The following STARD9 variants were observed in gnomAD, a reference collection of about 807,000 sequenced individuals.
STARD9 encodes stAR-related lipid transfer protein 9.
Under a neutral mutation model 399.8 loss-of-function variants are expected in STARD9, and 346 were observed. The observed-to-expected ratio is 0.87, with a 90% CI of 0.79 to 0.95. The LOEUF is 0.95. Ranked by LOEUF, STARD9 falls within the 40% of genes least tolerant of loss-of-function variation. The pLI is 0.00. For synonymous variants in STARD9, 2,203 were observed against 2,143.5 expected, an observed-to-expected ratio of 1.03 and a Z score of -0.77; for missense variants, 5,832 against 5,667.5, an observed-to-expected ratio of 1.03 and a Z score of -0.93.
intron 4 of STARD9, among the ~76,000 whole-genome samples, chr15:42,637,129 A>G (rs1296354689): frequency 6.6e-6 from 1 of 152,092 alleles, no homozygotes; most frequent in Non-Finnish European, 1.5e-5. Flanking sequence ...AAAGCCCTTA[A>G]CCGAGTACAA....
rs930500379 is a variant in STARD9, at chr15:42,718,033, G to A, written c.13616G>A (p.Arg4539Gln). 10 of 1,537,102 alleles carry A rather than the reference G, an allele frequency of 6.5e-6. No homozygotes were observed. Among genetic ancestry groups the A allele is most frequent in the East Asian group, 4.9e-5 (2 of 40,916 alleles). The change falls in exon 30 of 33, where the codon CGG becomes CAG. Residue 4539 changes from arginine (R) to glutamine (Q), a missense_variant. By Grantham distance (43) the Arg-to-Gln change is conservative. Around this residue, in one of 2 missense-constraint regions of STARD9, gnomAD observed 5,828 missense variants for 5,651.1 expected, o/e 1.03. Coordinates refer to ENST00000290607, the MANE Select transcript of STARD9 (RefSeq NM_020759.3). ...QLYYKVFSPT[R>Q]HGFLGAGVVS... ...TACTACAAGGTGTTTTCTCCCACTC[G>A]GCATGGCTTCCTGGGGGCAGGTGTG... is the stretch of plus-strand genomic sequence containing the variant.
chr15:42,694,171 C>G lies in STARD9; in HGVS notation c.12593C>G (p.Pro4198Arg). ...GAGTGGTCCAAGAGGGAGCAGATCC[C>G]CCTGCAAGTTGGGGCCCAGAACCTC... ...DSEWSKREQI[P>R]LQVGAQNLSL... is the part of the protein sequence containing the mutation. The change falls in exon 23 of 33, where the codon CCC becomes CGC. Residue 4198 changes from proline to arginine, a missense_variant. Pro to Arg is a moderately radical substitution (Grantham distance 103). Transcript: ENST00000290607. 1 of 1,535,176 alleles carries G rather than the reference C, an allele frequency of 6.5e-7. No individual in the cohort carries two copies. The highest frequency in any genetic ancestry group is 8.7e-7 in the Non-Finnish European group (1 of 1,145,998).
chr15:42,603,833 G>A (rs1305801285), intron 3 of STARD9, among the ~76,000 whole-genome samples: 4 of 151,968 alleles, frequency 2.6e-5, no homozygotes, highest in Non-Finnish European at 1.5e-5. Flanking sequence ...CAGAATACAG[G>A]GTCTGAAAAA....
chr15:42,623,225 C>T (rs1321561378), intron 3 of STARD9, among the ~76,000 whole-genome samples: 1 of 151,938 alleles, frequency 6.6e-6, no homozygotes, highest in East Asian at 1.9e-4. Context: ...GCACTCCAGC[C>T]TGGGCAACAA....
chr15:42,710,336 A>G (rs12905187), intron 26 of STARD9, among the ~76,000 whole-genome samples: 1 of 151,374 alleles, frequency 6.6e-6, no homozygotes, highest in African/African-American at 2.4e-5. Context: ...GTGTTGGAAT[A>G]CGGACGTGAG....
At chr15:42,647,357 A>G (rs759021586) in intron 7 of STARD9, among the ~76,000 whole-genome samples, 2 of 152,212 alleles carry the variant, frequency 1.3e-5, no homozygotes, top group African/African-American at 2.4e-5. Context: ...TACTATGAGT[A>G]TGGATGCCTT....
intron 3 of STARD9, among the ~76,000 whole-genome samples, chr15:42,588,507 G>C (rs2058325658): frequency 6.6e-6 from 1 of 152,080 alleles, no homozygotes; most frequent in Non-Finnish European, 1.5e-5. Context: ...ATTGGTCCCA[G>C]GAGGAGTTAG....
intron 32 of STARD9, 136 bp from the exon 33 acceptor site, chr15:42,719,337 G>T: frequency 1.6e-6 from 1 of 622,502 alleles, no homozygotes; most frequent in Non-Finnish European, 2.8e-6. Context: ...CAGAGCCCAG[G>T]GGCCTGTAAA....
rs745317026 is a variant in STARD9, at chr15:42,691,502, G to C, written c.9924G>C (p.Val3308=). ...CCAACCACAGGGGCTCACTTCCTGT[G>C]ACTACAATCTTCTCTGGCCCCAAAC... ...PAPNHRGSLP[V]TTIFSGPKHS... The change falls in exon 23 of 33, where the codon GTG becomes GTC. Residue 3308 remains valine, a synonymous_variant. Coordinates refer to ENST00000290607, the MANE Select transcript of STARD9 (RefSeq NM_020759.3). 6.3e-5 allele frequency: 97 copies of C among 1,537,074 alleles called. No homozygotes were observed. Among genetic ancestry groups the C allele is most frequent in the Admixed American group, 1.2e-4 (6 of 50,976 alleles).
In STARD9 at chr15:42,608,749, C is replaced by T. The variant is rs146571362; in HGVS notation, c.234+23112C>T. Among the ~76,000 whole-genome samples, 11 of 152,182 alleles carry T rather than the reference C, an allele frequency of 7.2e-5. No individual in the cohort carries two copies. The East Asian group carries it at 9.6e-4, about 13-fold the overall frequency. On this transcript the variant is annotated intron_variant, in intron 3 of 32. Coordinates refer to ENST00000290607, the MANE Select transcript of STARD9 (RefSeq NM_020759.3). ...GTGAACACAATCAAAAATATGAAAA[C>T]GGTGCTTTGTGGAAGATACTGACCT...
chr15:42,688,287 C>A lies in STARD9; in HGVS notation c.6709C>A (p.Pro2237Thr). ...VKASASLKGQ[P>T]WGLGSLEELE... ...AGCATCAGCAAGTCTCAAAGGGCAG[C>A]CTTGGGGCTTAGGAAGTCTTGAGGA... The change falls in exon 23 of 33, where the codon CCT (proline) becomes ACT (threonine). Residue 2237 changes from proline to threonine, a missense_variant. By Grantham distance (38) the Pro-to-Thr change is conservative. Coordinates refer to ENST00000290607, the MANE Select transcript of STARD9 (RefSeq NM_020759.3). 6.5e-7 allele frequency: 1 copy of A among 1,537,538 alleles called. No homozygotes were observed. The highest frequency in any genetic ancestry group is 8.7e-7 in the Non-Finnish European group (1 of 1,147,008).
At chr15:42,718,537 T>C (rs2140430250) in intron 31 of STARD9, 23 bp downstream of exon 31, 3 of 1,534,230 alleles carry the variant, frequency 2.0e-6, no homozygotes, top group Non-Finnish European at 2.6e-6. Context: ...GTGGTAAAGA[T>C]GTTGTGGGAA....
intron 3 of STARD9, among the ~76,000 whole-genome samples, chr15:42,603,906 G>A (rs1184298903): frequency 6.6e-6 from 1 of 152,174 alleles, no homozygotes; most frequent in Non-Finnish European, 1.5e-5. Flanking sequence ...CCTATCTATA[G>A]GAGCAATTGA....
At position 42,675,890 on chromosome 15, in the gene STARD9, G is replaced by A; in HGVS notation, c.1789G>A (p.Gly597Ser). Residue 597 changes from glycine (G) to serine (S), a missense_variant, in exon 20 of 33, where the codon GGT becomes AGT. Physicochemically the swap from Gly to Ser is moderately conservative, Grantham distance 56. Around this residue, in one of 2 missense-constraint regions of STARD9, gnomAD observed 5,828 missense variants for 5,651.1 expected, o/e 1.03. Transcript: ENST00000290607. ...QRRQVGEAAA[G>S]RGSLEWLDLD... is the part of the protein sequence containing the mutation. ...GTTCAAGGTTGGAGAGGCTGCTGCT[G>A]GTCGTGGCTCGTTGGAGTGGCTGGA... 6.5e-7 allele frequency: 1 copy of A among 1,537,244 alleles called. No individual in the cohort carries two copies. Among genetic ancestry groups the A allele is most frequent in the Non-Finnish European group, 8.7e-7 (1 of 1,146,892 alleles).
In STARD9 at chr15:42,575,767, G is replaced by C. The variant is rs1177140748; in HGVS notation, c.47+5G>C. On this transcript the variant is annotated splice_donor_5th_base_variant and intron_variant, in intron 1 of 32. Transcript: ENST00000290607. Reference sequence around the variant, plus strand: ...GGTCCGGCCGCTCAGCAAGAGGTGAGTCTCCGCGGGAGAGGGCGCCTGAGG... The same window carrying C: ...GGTCCGGCCGCTCAGCAAGAGGTGACTCTCCGCGGGAGAGGGCGCCTGAGG... 6.5e-7 allele frequency: 1 copy of C among 1,536,948 alleles called. No homozygotes were observed. The highest frequency in any genetic ancestry group is 2.0e-5 in the Admixed American group (1 of 51,012).
chr15:42,645,834 G>C (rs190942275), intron 7 of STARD9, among the ~76,000 whole-genome samples: 1 of 151,888 alleles, frequency 6.6e-6, no homozygotes, highest in Non-Finnish European at 1.5e-5. Context: ...GAGTCACCGC[G>C]CCCAGCCTGG....
intron 9 of STARD9, among the ~76,000 whole-genome samples, chr15:42,654,289 T>TA (rs1464896614): frequency 6.6e-6 from 1 of 152,074 alleles, no homozygotes; most frequent in Admixed American, 6.5e-5. Context: ...TTGCCTAAGG[T>TA]ACAAATTTTC....
rs138121440 is a variant in STARD9, at chr15:42,682,515, C to T, written c.2477C>T (p.Thr826Met). 8,145 of 1,537,172 alleles carry T rather than the reference C, an allele frequency of 5.3e-3. 41 individuals carry two copies. Among genetic ancestry groups the T allele is most frequent in the Middle Eastern group, 9.8e-3 (59 of 5,990 alleles). Reference protein sequence around the residue: ...VPRPPCRSKLTSCSSLSPQRL... With the variant: ...VPRPPCRSKLMSCSSLSPQRL... ...CGGCCTCCATGTAGAAGCAAATTGA[C>T]GAGTTGCAGTTCTTTGAGCCCCCAA... Residue 826 changes from threonine (T) to methionine (M), a missense_variant, in exon 22 of 33, where the codon ACG becomes ATG. By Grantham distance (81) the Thr-to-Met change is moderately conservative. Transcript: ENST00000290607.
chr15:42,592,635 G>A (rs2058423914), intron 3 of STARD9, among the ~76,000 whole-genome samples: 1 of 151,874 alleles, frequency 6.6e-6, no homozygotes, highest in East Asian at 1.9e-4. Context: ...AGTAGAGACG[G>A]GTTTCTCCAT....
Sources: allele counts gnomAD v4.1 joint callset (sites outside exome capture counted in the v4.1 genomes callset), GRCh38; gene constraint gnomAD v4.1.1; regional missense constraint gnomAD v4.1.1; transcripts MANE v1.5; gene names NCBI Gene and HGNC (gene_info 2026-07-23, HGNC 2026-07-21).